The following NSMCE2 variants were observed in gnomAD, a reference collection of about 807,000 sequenced individuals.
NSMCE2 encodes the protein E3 SUMO-protein ligase NSE2.
A neutral mutation model predicts 23.8 loss-of-function variants in NSMCE2; 24 were observed. That is an observed-to-expected ratio of 1.01 (90% CI 0.73 to 1.42). The LOEUF (loss-of-function observed/expected upper bound fraction) is 1.42, where lower values mean the gene tolerates loss of function less well. Ranked by LOEUF, NSMCE2 falls within the 40% of genes most tolerant of loss-of-function variation. The pLI is 0.00. For missense variants in NSMCE2, 284 were observed against 296.5 expected, an observed-to-expected ratio of 0.96 and a Z score of 0.31; for synonymous variants, 92 against 94.1, an observed-to-expected ratio of 0.98 and a Z score of 0.13.
chr8:125,238,857 C>T (rs964211885), intron 5 of NSMCE2, among the ~76,000 whole-genome samples: 5 of 152,172 alleles, frequency 3.3e-5, no homozygotes, highest in African/African-American at 1.2e-4. Context: ...TGGAGTTCTG[C>T]AGTAAGACAC....
chr8:125,172,784 A>G (rs1452457622), intron 4 of NSMCE2, among the ~76,000 whole-genome samples: 1 of 152,244 alleles, frequency 6.6e-6, no homozygotes, highest in Non-Finnish European at 1.5e-5. Context: ...TTCTGAATCC[A>G]AAGTTGGTAT....
At chr8:125,341,373 TTC>T (rs1830237486) in intron 5 of NSMCE2, among the ~76,000 whole-genome samples, 3 of 152,330 alleles carry the variant, frequency 2.0e-5, no homozygotes, top group South Asian at 4.1e-4. Context: ...AGTCTTTTTC[TTC>T]TCTCTTTTTC....
intron 5 of NSMCE2, among the ~76,000 whole-genome samples, chr8:125,353,909 A>G (rs1813145812): frequency 1.4e-5 from 2 of 148,042 alleles, no homozygotes; most frequent in African/African-American, 4.9e-5. Context: ...AAAAATATAT[A>G]TATATATAAT....
intron 5 of NSMCE2, among the ~76,000 whole-genome samples, chr8:125,267,122 A>G (rs1331807999): frequency 6.9e-6 from 1 of 145,188 alleles, no homozygotes; most frequent in Non-Finnish European, 1.5e-5. Flanking sequence ...CTCTTGCCTC[A>G]GCCTCCCAAG....
chr8:125,269,382 A>T (rs909773187), intron 5 of NSMCE2, among the ~76,000 whole-genome samples: 11 of 152,194 alleles, frequency 7.2e-5, no homozygotes, highest in African/African-American at 2.6e-4. Flanking sequence ...CACTGCACCC[A>T]GCCGACTCTT....
intron 3 of NSMCE2, among the ~76,000 whole-genome samples, chr8:125,116,725 C>T (rs956864569): frequency 6.6e-5 from 10 of 152,072 alleles, no homozygotes; most frequent in African/African-American, 2.4e-4. Context: ...GAGTCTTGAG[C>T]TTGCAAGGCT....
intron 3 of NSMCE2, 120 bp downstream of exon 3, chr8:125,102,607 T>G (rs1818251554): frequency 2.7e-6 from 2 of 744,364 alleles, no homozygotes; most frequent in Non-Finnish European, 4.6e-6. Context: ...AGGCATCTGT[T>G]GTCTCATTTT....
chr8:125,197,026 T>C (rs1198800267), intron 5 of NSMCE2, among the ~76,000 whole-genome samples: 1 of 151,940 alleles, frequency 6.6e-6, no homozygotes, highest in Non-Finnish European at 1.5e-5. Flanking sequence ...TTCGTATCCT[T>C]TGCCCACTTT....
chr8:125,154,225 T>TAAA (rs1821191459), intron 4 of NSMCE2, among the ~76,000 whole-genome samples: 1 of 152,220 alleles, frequency 6.6e-6, no homozygotes, highest in African/African-American at 2.4e-5. Flanking sequence ...AAAACTTTTT[T>TAAA]AATCATTAAA....
At chr8:125,128,243 C>T (rs767055842) in intron 3 of NSMCE2, among the ~76,000 whole-genome samples, 2 of 152,198 alleles carry the variant, frequency 1.3e-5, no homozygotes, top group Non-Finnish European at 2.9e-5. Flanking sequence ...TATTCTCTGG[C>T]CATAATGTGG....
At chr8:125,281,223 T>TTCA (rs1827681119) in intron 5 of NSMCE2, among the ~76,000 whole-genome samples, 1 of 152,242 alleles carries the variant, frequency 6.6e-6, no homozygotes, top group Non-Finnish European at 1.5e-5. Context: ...GTTATTCATC[T>TTCA]TGAAGCCCAT....
chr8:125,332,103 C>T (rs982742899), intron 5 of NSMCE2, among the ~76,000 whole-genome samples: 1 of 152,144 alleles, frequency 6.6e-6, no homozygotes, highest in African/African-American at 2.4e-5. Flanking sequence ...ACAAGCAAAT[C>T]GACATCAAGA....
At chr8:125,348,215 T>C (rs1205596625) in intron 5 of NSMCE2, 1 of 152,208 alleles carries the variant, frequency 6.6e-6, no homozygotes, top group African/African-American at 2.4e-5. Flanking sequence ...TACAGAAGTA[T>C]ATAATGTTGA....
At chr8:125,128,895 GATTAACAATCTT>G (rs1168073548) in intron 3 of NSMCE2, among the ~76,000 whole-genome samples, 3 of 152,138 alleles carry the variant, frequency 2.0e-5, no homozygotes, top group Non-Finnish European at 4.4e-5. Flanking sequence ...AAGGTCAGCT[GATTAACAATCTT>G]ATTTCCATCT....
chr8:125,266,506 G>A (rs1004641527), intron 5 of NSMCE2, among the ~76,000 whole-genome samples: 4 of 152,200 alleles, frequency 2.6e-5, no homozygotes, highest in Admixed American at 6.5e-5. Context: ...TGGGGGAAGT[G>A]CATCAGACTA....
chr8:125,170,291 T>G (rs185318301), intron 4 of NSMCE2, among the ~76,000 whole-genome samples: 275 of 150,416 alleles, frequency 1.8e-3, no homozygotes, highest in African/African-American at 6.0e-3. Flanking sequence ...CCATTTTTAA[T>G]TAGACCAAAA....
chr8:125,182,822 A>G (rs1172482067), intron 5 of NSMCE2: 1 of 152,602 alleles, frequency 6.6e-6, no homozygotes, highest in Non-Finnish European at 1.5e-5. Flanking sequence ...CATAATTTTG[A>G]CTTAAGAATT....
At chr8:125,356,326 G>GTTTTTTTTTTTTTTTTTTTTTTTTGT (rs747884264) in intron 5 of NSMCE2, among the ~76,000 whole-genome samples, 1 of 105,438 alleles carries the variant, frequency 9.5e-6, no homozygotes, top group Non-Finnish European at 1.8e-5. Context: ...TAATTTTTTG[G>GTTTTTTTTTTTTTTTTTTTTTTTTGT]TTTTTTTTTT....
chr8:125,213,196 T>A (rs564128584), intron 5 of NSMCE2, among the ~76,000 whole-genome samples: 4 of 152,324 alleles, frequency 2.6e-5, no homozygotes, highest in African/African-American at 9.6e-5. Flanking sequence ...TTATTCTCTG[T>A]TGTGAGATTT....
Sources: gnomAD v4.1 joint callset for allele counts (sites outside exome capture counted in the v4.1 genomes callset) on GRCh38, gnomAD v4.1.1 for gene constraint, MANE v1.5 for transcripts, NCBI Gene and HGNC (gene_info 2026-07-23, HGNC 2026-07-21) for gene names.